Variants in ACACA observed in about 807,000 individuals in gnomAD.
ACACA encodes the protein acetyl-CoA carboxylase 1.
In ACACA, 103 loss-of-function variants were observed where a neutral mutation model predicts 296.1. The observed-to-expected ratio is 0.35, with a 90% CI of 0.30 to 0.41. ACACA has a LOEUF of 0.41. Ranked by LOEUF, ACACA falls within the 10% of genes least tolerant of loss-of-function variation. The probability of loss-of-function intolerance (pLI) is 1.00; values close to 1 mark genes in which losing one functional copy is unlikely to be tolerated. For missense variants in ACACA, 1,554 were observed against 2,989.7 expected (o/e 0.52, Z 11.20); for synonymous variants, 953 against 1,038.6 (o/e 0.92, Z 1.58).
intron 3 of ACACA, among the ~76,000 whole-genome samples, chr17:37,323,125 C>G (rs757903964): frequency 1.3e-5 from 2 of 152,280 alleles, no homozygotes; most frequent in Non-Finnish European, 2.9e-5. Flanking sequence ...GCAGACACCA[C>G]CCCAAGATGG....
chr17:37,244,607 T>A lies in ACACA; in HGVS notation c.2723A>T (p.Asp908Val). The A allele has an allele frequency of 6.2e-7, 1 of 1,614,164 alleles. No homozygotes were observed. The highest frequency in any genetic ancestry group is 8.5e-7 in the Non-Finnish European group (1 of 1,180,012). Residue 908 changes from aspartate to valine, a missense_variant, in exon 21 of 56, where the codon GAT (aspartate) becomes GTT (valine). Physicochemically the swap from Asp to Val is radical, Grantham distance 152. Transcript: ENST00000616317. ...VNVMNGYCLP[D>V]PFFSSKVKDW... ...ACATACCTTGCTGCTAAAGAAAGGA[T>A]CTGGAAGGCAGTATCCATTCATTAC...
intron 47 of ACACA, among the ~76,000 whole-genome samples, chr17:37,128,525 T>G (rs1211586556): frequency 6.6e-6 from 1 of 152,130 alleles, no homozygotes; most frequent in Non-Finnish European, 1.5e-5. Flanking sequence ...GCAATAAATA[T>G]GCAAAAAAGA....
At chr17:37,338,258 A>C (rs2048223586) in intron 2 of ACACA, among the ~76,000 whole-genome samples, 1 of 150,804 alleles carries the variant, frequency 6.6e-6, no homozygotes, top group Non-Finnish European at 1.5e-5. Flanking sequence ...ATCATGCAAC[A>C]AAAAAAATTT....
chr17:37,294,078 TA>T (rs1158039093), intron 3 of ACACA, among the ~76,000 whole-genome samples: 2 of 151,232 alleles, frequency 1.3e-5, no homozygotes, highest in Non-Finnish European at 2.9e-5. Flanking sequence ...TTTTTGCCAA[TA>T]ACTCAGAAGA....
chr17:37,290,716 A>G (rs1192874212), intron 3 of ACACA, among the ~76,000 whole-genome samples: 2 of 151,936 alleles, frequency 1.3e-5, no homozygotes, highest in Non-Finnish European at 2.9e-5. Flanking sequence ...ATGTTTTTAG[A>G]GCAGGGGTAT....
chr17:37,328,006 CAT>C lies in ACACA; in HGVS notation c.338+2165_338+2166del, dbSNP rs2047698047. On this transcript the variant is annotated intron_variant, in intron 3 of 55. Transcript: ENST00000616317. ...TGAACTATAAAATAAAAAATGTTTACATAAAGACCTAATCCCTTTTCCCTGCC... is the reference window on the plus strand; with the variant it reads ...TGAACTATAAAATAAAAAATGTTTACAAAGACCTAATCCCTTTTCCCTGCC... 2.6e-5 allele frequency among the ~76,000 whole-genome samples: 4 copies of C among 152,278 alleles called. No homozygotes were observed. The South Asian group carries it at 8.3e-4, about 32-fold the overall frequency.
chr17:37,201,523 C>T lies in ACACA; in HGVS notation c.4057-1040G>A, dbSNP rs552133804. ...ATCTGGACCTAAAGCCTTCCTCTTCCCTATACTGTTCACTTGCTTCAAAAG... is the reference window on the plus strand; with the variant it reads ...ATCTGGACCTAAAGCCTTCCTCTTCTCTATACTGTTCACTTGCTTCAAAAG... On this transcript the variant is annotated intron_variant, in intron 33 of 55. Coordinates refer to ENST00000616317, the MANE Select transcript of ACACA (RefSeq NM_198834.3). Among the ~76,000 whole-genome samples, 9 of 144,740 alleles carry T rather than the reference C, an allele frequency of 6.2e-5. 1 individual carries two copies. In the South Asian group the frequency reaches 1.9e-3, roughly 31 times the overall value. The allele number at this position is 144,740 out of a possible 152,430, so 95.0% of individuals were successfully genotyped here.
At chr17:37,144,151 C>A in intron 45 of ACACA, 1 of 751,182 alleles carries the variant, frequency 1.3e-6, no homozygotes. Context: ...CATGGTCTTC[C>A]ACCTCTCTGA....
At chr17:37,166,923 T>C (rs1385642505) in intron 41 of ACACA, among the ~76,000 whole-genome samples, 1 of 152,106 alleles carries the variant, frequency 6.6e-6, no homozygotes, top group Non-Finnish European at 1.5e-5. Context: ...AAGTAACCTG[T>C]CCTTATAGCT....
At chr17:37,193,536 C>A in intron 35 of ACACA, 121 bp from the exon 36 acceptor site, 1 of 739,882 alleles carries the variant, frequency 1.4e-6, no homozygotes, top group East Asian at 2.6e-5. Flanking sequence ...TGCTTCTTAC[C>A]TAAGCTTAGT....
intron 1 of ACACA, chr17:37,376,059 GGTCT>G (rs2049988452): frequency 6.3e-7 from 1 of 1,577,712 alleles, no homozygotes; most frequent in Admixed American, 1.7e-5. Context: ...GATGAGCAGT[GGTCT>G]GTCTGCAATG....
chr17:37,243,411 C>T lies in ACACA; in HGVS notation c.2891G>A (p.Ser964Asn). 3 of 1,614,150 alleles carry T rather than the reference C, an allele frequency of 1.9e-6. No individual in the cohort carries two copies. Among genetic ancestry groups the T allele is most frequent in the Non-Finnish European group, 2.5e-6 (3 of 1,180,012 alleles). The change falls in exon 22 of 56, where the codon AGC becomes AAC. Residue 964 changes from serine to asparagine, a missense_variant. Physicochemically the swap from Ser to Asn is conservative, Grantham distance 46. Transcript: ENST00000616317. ...CTGACAGAGGACTGATGTGATGTTGCTAGCATACTGAGCCATTTCCTTCTT... is the reference window on the plus strand; with the variant it reads ...CTGACAGAGGACTGATGTGATGTTGTTAGCATACTGAGCCATTTCCTTCTT... ...SIKKEMAQYA[S>N]NITSVLCQFP... is the part of the protein sequence containing the mutation.
chr17:37,371,380 T>C (rs774408397), intron 1 of ACACA, among the ~76,000 whole-genome samples: 2 of 151,810 alleles, frequency 1.3e-5, no homozygotes, highest in African/African-American at 2.4e-5. Flanking sequence ...GCCCGGCTGA[T>C]AGTTCAATGA....
intron 3 of ACACA, among the ~76,000 whole-genome samples, chr17:37,298,356 T>C (rs1178772080): frequency 6.6e-6 from 1 of 152,110 alleles, no homozygotes; most frequent in Non-Finnish European, 1.5e-5. Flanking sequence ...TTCTTCAAAA[T>C]AAAAACTCTA....
chr17:37,361,902 A>G (rs12939724), intron 1 of ACACA, among the ~76,000 whole-genome samples: 5,415 of 152,354 alleles, frequency 0.036, 206 homozygotes, highest in African/African-American at 0.09. Flanking sequence ...GAGGTCTGTT[A>G]TGGGCTGAAT....
rs2073033606 is a variant in ACACA at position 37,096,976 on chromosome 17, T to G, written c.6891+20A>C. 3 of 1,614,060 alleles carry G rather than the reference T, an allele frequency of 1.9e-6. No homozygotes were observed. Among genetic ancestry groups the G allele is most frequent in the Non-Finnish European group, 2.5e-6 (3 of 1,180,014 alleles). Reference sequence around the variant, plus strand: ...GTGAGGAACTCAGCAAAAAGGCTTCTCTTTGAGTGTCCCACCTACCTTCAC... The same window carrying G: ...GTGAGGAACTCAGCAAAAAGGCTTCGCTTTGAGTGTCCCACCTACCTTCAC... On this transcript the variant is annotated intron_variant, in intron 54 of 55. Transcript: ENST00000616317.
chr17:37,208,177 T>C (rs1316684927), intron 30 of ACACA, among the ~76,000 whole-genome samples: 2 of 152,162 alleles, frequency 1.3e-5, no homozygotes, highest in Admixed American at 1.3e-4. Context: ...TAAAAGGAAG[T>C]AAGCAAGCCA....
At chr17:37,395,872 C>T (rs1877606577) in intron 1 of ACACA, among the ~76,000 whole-genome samples, 1 of 152,184 alleles carries the variant, frequency 6.6e-6, no homozygotes, top group African/African-American at 2.4e-5. Flanking sequence ...GTTGATGTCA[C>T]CCCAATACTT....
intron 3 of ACACA, among the ~76,000 whole-genome samples, chr17:37,305,336 G>A (rs1273634058): frequency 6.6e-6 from 1 of 152,140 alleles, no homozygotes; most frequent in African/African-American, 2.4e-5. Flanking sequence ...CTAACAGTGT[G>A]CAGCCACTGA....
Sources: allele counts gnomAD v4.1 joint callset (sites outside exome capture counted in the v4.1 genomes callset), GRCh38; gene constraint gnomAD v4.1.1; transcripts MANE v1.5; gene names NCBI Gene and HGNC (gene_info 2026-07-23, HGNC 2026-07-21).